Variants in ROBO2 observed in about 807,000 individuals in gnomAD.
ROBO2 encodes roundabout homolog 2.
In ROBO2, 53 loss-of-function variants were observed where a neutral mutation model predicts 160.8. That is an observed-to-expected ratio of 0.33 (90% CI 0.26 to 0.41). ROBO2 has a LOEUF of 0.41. Among genes scored for constraint, ROBO2 ranks in the 10% least tolerant of loss-of-function variants. The pLI is 1.00. For synonymous variants in ROBO2, 664 were observed against 611.7 expected, an observed-to-expected ratio of 1.09 and a Z score of -1.26; for missense variants, 1,577 against 1,722.4, an observed-to-expected ratio of 0.92 and a Z score of 1.49.
chr3:76,526,049 G>GA lies in ROBO2; in HGVS notation c.110-571956dup, dbSNP rs200946651. On this transcript the variant is annotated intron_variant, in intron 2 of 26. Coordinates refer to the ROBO2 transcript ENST00000487694. ...AAATCATTCAAATCGTTGATTTAAA[G>GA]AAAAAAAAACAAGTCTTGATTAGCT... Among the ~76,000 whole-genome samples the GA allele has an allele frequency of 2.7e-3, 404 of 149,574 alleles. 1 individual carries two copies. The highest frequency in any genetic ancestry group is 8.7e-3 in the African/African-American group (354 of 40,892).
At chr3:76,567,408 G>T (rs1446903816) in intron 2 of ROBO2, among the ~76,000 whole-genome samples, 1 of 151,598 alleles carries the variant, frequency 6.6e-6, no homozygotes, top group Non-Finnish European at 1.5e-5. Flanking sequence ...TTTTGGAAAT[G>T]TAAATATCTT....
chr3:77,618,271 C>T (rs1468770945), intron 22 of ROBO2: 2 of 158,712 alleles, frequency 1.3e-5, no homozygotes, highest in East Asian at 3.7e-4. Flanking sequence ...TTAAAAGACT[C>T]TCTTTACCTG....
rs187481908 is a variant in ROBO2, at chr3:76,099,123, G to A, written c.109+161521G>A. Among the ~76,000 whole-genome samples the A allele has an allele frequency of 7.2e-5, 11 of 152,116 alleles. No individual in the cohort carries two copies. In the East Asian group the frequency reaches 7.7e-4, roughly 11 times the overall value. ...TTTAGGAAACCCAAGTGAAAATAGCGTTCTTAGCAAGCCACTGAGAAAGTT... is the reference window on the plus strand; with the variant it reads ...TTTAGGAAACCCAAGTGAAAATAGCATTCTTAGCAAGCCACTGAGAAAGTT... On this transcript the variant is annotated intron_variant, in intron 2 of 26. Transcript: ENST00000487694.
chr3:76,554,029 C>T (rs184408578), intron 2 of ROBO2, among the ~76,000 whole-genome samples: 3 of 152,158 alleles, frequency 2.0e-5, no homozygotes, highest in Admixed American at 1.3e-4. Context: ...ATTAGAAAAA[C>T]GTGAACACTC....
intron 5 of ROBO2, among the ~76,000 whole-genome samples, chr3:77,494,168 T>A (rs940999993): frequency 6.6e-6 from 1 of 152,230 alleles, no homozygotes; most frequent in African/African-American, 2.4e-5. Flanking sequence ...TCTTTAAGAT[T>A]TGTTATGCCT....
chr3:76,689,054 T>C (rs1015907909), intron 2 of ROBO2, among the ~76,000 whole-genome samples: 2 of 152,056 alleles, frequency 1.3e-5, no homozygotes, highest in Non-Finnish European at 2.9e-5. Context: ...AAATAATACA[T>C]AATGTTAAAT....
chr3:76,044,269 T>G (rs2067375957), intron 2 of ROBO2, among the ~76,000 whole-genome samples: 1 of 152,008 alleles, frequency 6.6e-6, no homozygotes, highest in South Asian at 2.1e-4. Context: ...AATGTAAGCA[T>G]TCTTCCCTCA....
chr3:76,208,589 G>A (rs1702949154), intron 2 of ROBO2, among the ~76,000 whole-genome samples: 1 of 152,052 alleles, frequency 6.6e-6, no homozygotes, highest in South Asian at 2.1e-4. Flanking sequence ...AAATGTGAAC[G>A]CTAAAGTAAC....
intron 5 of ROBO2, among the ~76,000 whole-genome samples, chr3:77,512,414 A>T (rs144296071): frequency 2.6e-5 from 4 of 152,124 alleles, no homozygotes; most frequent in South Asian, 2.1e-4. Context: ...TTTATATTTC[A>T]TAGAAGCGTG....
chr3:77,151,293 A>G (rs1421389134), intron 2 of ROBO2, among the ~76,000 whole-genome samples: 1 of 152,174 alleles, frequency 6.6e-6, no homozygotes, highest in East Asian at 1.9e-4. Context: ...ATTTGTATAC[A>G]AATATTCAGT....
intron 2 of ROBO2, among the ~76,000 whole-genome samples, chr3:76,161,725 CAT>C (rs964874981): frequency 2.6e-5 from 4 of 152,144 alleles, no homozygotes; most frequent in East Asian, 3.9e-4. Flanking sequence ...CCTATGTTCA[CAT>C]GTTTCCCATG....
chr3:76,465,782 CT>C (rs2078327706), intron 2 of ROBO2, among the ~76,000 whole-genome samples: 1 of 151,956 alleles, frequency 6.6e-6, no homozygotes, highest in Non-Finnish European at 1.5e-5. Context: ...GTTTGAATGG[CT>C]TGATGTTAAC....
chr3:77,228,529 A>T (rs2151263563), intron 2 of ROBO2, among the ~76,000 whole-genome samples: 1 of 152,010 alleles, frequency 6.6e-6, no homozygotes, highest in South Asian at 2.1e-4. Context: ...CCTGTTGAAC[A>T]ATGAGAACAT....
At chr3:76,626,918 C>T (rs1252199164) in intron 2 of ROBO2, among the ~76,000 whole-genome samples, 1 of 152,132 alleles carries the variant, frequency 6.6e-6, no homozygotes, top group Non-Finnish European at 1.5e-5. Context: ...TCTCAATCTC[C>T]TGACCTTGTG....
chr3:76,965,190 AG>A, intron 2 of ROBO2, among the ~76,000 whole-genome samples: 1 of 152,334 alleles, frequency 6.6e-6, no homozygotes, highest in African/African-American at 2.4e-5. Context: ...ATTAGGCTAA[AG>A]CCGCTCATCT....
At chr3:76,758,020 G>A (rs1476636462) in intron 2 of ROBO2, among the ~76,000 whole-genome samples, 1 of 151,760 alleles carries the variant, frequency 6.6e-6, no homozygotes, top group Non-Finnish European at 1.5e-5. Context: ...GCATGGCACA[G>A]GTTAAATGTT....
intron 17 of ROBO2, among the ~76,000 whole-genome samples, chr3:77,593,227 A>C (rs961158883): frequency 6.7e-6 from 1 of 148,452 alleles, no homozygotes; most frequent in Non-Finnish European, 1.5e-5. Flanking sequence ...AAAAAAAAAA[A>C]CACAAACTAG....
intron 2 of ROBO2, among the ~76,000 whole-genome samples, chr3:76,201,588 C>T (rs1406553606): frequency 6.6e-6 from 1 of 152,084 alleles, no homozygotes; most frequent in Non-Finnish European, 1.5e-5. Context: ...TAAAGGTTGC[C>T]GTTACCCTCT....
At chr3:76,757,759 C>A (rs2061064423) in intron 2 of ROBO2, among the ~76,000 whole-genome samples, 6 of 151,618 alleles carry the variant, frequency 4.0e-5, no homozygotes, top group Admixed American at 3.9e-4. Context: ...TTTAATACTC[C>A]TCCAGAGAGA....
Sources: allele counts gnomAD v4.1 joint callset (sites outside exome capture counted in the v4.1 genomes callset), GRCh38; gene constraint gnomAD v4.1.1; transcripts MANE v1.5; gene names NCBI Gene and HGNC (gene_info 2026-07-23, HGNC 2026-07-21).